DNAH14: variants seen among roughly 807,000 people sequenced by gnomAD.
The protein encoded by DNAH14 is axonemal beta dynein heavy chain 14.
DNAH14 carries 478 observed loss-of-function variants against 520.9 expected under a neutral mutation model. The observed-to-expected ratio is 0.92, with a 90% CI of 0.85 to 0.99. The LOEUF is 0.99. DNAH14 is among the 50% of genes least tolerant of loss of function. The pLI is 0.00. For missense variants in DNAH14, 4,831 were observed against 5,234.5 expected (o/e 0.92, Z 2.38); for synonymous variants, 1,581 against 1,757.2 (o/e 0.90, Z 2.51).
rs1266046739 is a variant in DNAH14, at chr1:225,303,311, A to G, written c.8787A>G (p.Ser2929=). 63 of 1,549,346 alleles carry G rather than the reference A, an allele frequency of 4.1e-5. No homozygotes were observed. The highest frequency in any genetic ancestry group is 5.4e-5 in the Non-Finnish European group (62 of 1,146,384). The stretch of plus-strand genomic sequence containing the variant: ...AAGCTCTCCTTATTGTAGCTAACTC[A>G]TTCTTAAAAGAAAAGGTCAATTTTG... ...PEEALLIVAN[S]FLKEKVNFEN... Residue 2929 remains serine, a synonymous_variant, in exon 57 of 86, where the codon TCA becomes TCG. Coordinates refer to ENST00000682510, the MANE Select transcript of DNAH14 (RefSeq NM_001367479.1).
At chr1:225,241,889 A>C (rs993621600) in intron 43 of DNAH14, among the ~76,000 whole-genome samples, 2 of 152,190 alleles carry the variant, frequency 1.3e-5, no homozygotes, top group African/African-American at 4.8e-5. Context: ...AGACTTTATA[A>C]ATACTGTACA....
In DNAH14 at chr1:225,300,946, T is replaced by A. The variant is rs1055703732; in HGVS notation, c.8547T>A (p.Asp2849Glu). 6.4e-7 allele frequency: 1 copy of A among 1,551,360 alleles called. No homozygotes were observed. Among genetic ancestry groups the A allele is most frequent in the African/African-American group, 1.4e-5 (1 of 73,052 alleles). The change falls in exon 56 of 86, where the codon GAT becomes GAA. Residue 2849 changes from aspartate (D) to glutamate (E), a missense_variant. Transcript: ENST00000682510. ...ACCTGTTTGAAAATGTTGAGCTGGA[T>A]TCTATTGCAATGAAAATCAGATATC... ...IPDLFENVELDSIAMKIRYLT... is the reference protein window; with the variant it reads ...IPDLFENVELESIAMKIRYLT...
rs561253154 is a variant in DNAH14, at chr1:225,288,183, C to T, written c.8272-1702C>T. 2.1e-4 allele frequency among the ~76,000 whole-genome samples: 32 copies of T among 152,176 alleles called. No homozygotes were observed. The South Asian group carries it at 6.4e-3, about 31-fold the overall frequency. ...CACAGTGGAGAAACCTGACAAACACCGCCTTATCTAGGTGATCAAGTTCAC... is the reference window on the plus strand; with the variant it reads ...CACAGTGGAGAAACCTGACAAACACTGCCTTATCTAGGTGATCAAGTTCAC... On this transcript the variant is annotated intron_variant, in intron 54 of 85. Coordinates refer to ENST00000682510, the MANE Select transcript of DNAH14 (RefSeq NM_001367479.1).
rs2075061270 is a variant in DNAH14 at position 225,097,205 on chromosome 1, C to T, written c.3661C>T (p.Leu1221Phe). ...WMNCQRNWLY[L>F]EPVFHSSEIR... ...GAATTGTCAAAGAAATTGGCTTTAT[C>T]TTGAACCAGTCTTTCATTCTTCAGA... is the stretch of plus-strand genomic sequence containing the variant. The change falls in exon 22 of 86, where the codon CTT becomes TTT. Residue 1221 changes from leucine (L) to phenylalanine (F), a missense_variant. Leu to Phe is a conservative substitution (Grantham distance 22). Transcript: ENST00000682510. 2 of 1,550,510 alleles carry T rather than the reference C, an allele frequency of 1.3e-6. No individual in the cohort carries two copies. The highest frequency in any genetic ancestry group is 2.4e-5 in the South Asian group (2 of 83,986).
chr1:225,047,432 A>G (rs1158565237), intron 15 of DNAH14, among the ~76,000 whole-genome samples: 2 of 152,134 alleles, frequency 1.3e-5, no homozygotes, highest in African/African-American at 2.4e-5. Context: ...TATCTTTTCT[A>G]TGTTTCAATA....
chr1:225,244,950 AT>A (rs1219690818), intron 43 of DNAH14, among the ~76,000 whole-genome samples: 4 of 151,986 alleles, frequency 2.6e-5, no homozygotes, highest in African/African-American at 9.7e-5. Flanking sequence ...TAGGGTGTCG[AT>A]TTTAGATCTT....
Position 225,121,929 on chromosome 1 carries a change from A to G in DNAH14, c.4167-1598A>G, listed in dbSNP as rs188948578. On this transcript the variant is annotated intron_variant, in intron 26 of 85. Coordinates refer to ENST00000682510, the MANE Select transcript of DNAH14 (RefSeq NM_001367479.1). ...CTAAAGAGAATGTACAAGTACATTC[A>G]TCAAATGTAACAGATCGTTGGCAGT... Among the ~76,000 whole-genome samples, 11 of 152,098 alleles carry G rather than the reference A, an allele frequency of 7.2e-5. No homozygotes were observed. In the East Asian group the frequency reaches 2.1e-3, roughly 29 times the overall value.
At chr1:225,324,962 TTAAG>T (rs1188509528) in intron 64 of DNAH14, 130 bp downstream of exon 64, 16 of 485,728 alleles carry the variant, frequency 3.3e-5, no homozygotes, top group African/African-American at 3.2e-4. Flanking sequence ...ATTGTGAGGA[TTAAG>T]TAAATAATAT....
At chr1:225,136,354 G>A (rs866436203) in intron 27 of DNAH14, among the ~76,000 whole-genome samples, 1 of 152,152 alleles carries the variant, frequency 6.6e-6, no homozygotes, top group Non-Finnish European at 1.5e-5. Flanking sequence ...ACCTGGTGAC[G>A]ATGAATTCCC....
chr1:224,955,623 C>T (rs1572034522), intron 3 of DNAH14, among the ~76,000 whole-genome samples: 1 of 152,148 alleles, frequency 6.6e-6, no homozygotes, highest in African/African-American at 2.4e-5. Flanking sequence ...TATGTCCTCA[C>T]TTTTATAAGC....
At chr1:225,131,298 GGTCTC>G (rs2078394210) in intron 27 of DNAH14, among the ~76,000 whole-genome samples, 1 of 152,128 alleles carries the variant, frequency 6.6e-6, no homozygotes, top group South Asian at 2.1e-4. Flanking sequence ...CCAACCCACA[GGTCTC>G]TGTGGGCTAA....
At chr1:225,025,278 G>T (rs2066013259) in intron 11 of DNAH14, among the ~76,000 whole-genome samples, 1 of 150,840 alleles carries the variant, frequency 6.6e-6, no homozygotes, top group African/African-American at 2.4e-5. Context: ...GCTTCAGTGA[G>T]CTGTGATCAT....
intron 38 of DNAH14, among the ~76,000 whole-genome samples, chr1:225,194,169 A>G (rs2085804190): frequency 6.6e-6 from 1 of 152,150 alleles, no homozygotes; most frequent in Non-Finnish European, 1.5e-5. Context: ...TACCAGTGAC[A>G]TTTTTCACAG....
At chr1:225,271,846 C>A in intron 50 of DNAH14, 60 bp from the exon 51 acceptor site, 2 of 1,362,824 alleles carry the variant, frequency 1.5e-6, no homozygotes, top group South Asian at 1.5e-5. Flanking sequence ...TGGAAGGTAG[C>A]CAGAAGTAGT....
intron 10 of DNAH14, among the ~76,000 whole-genome samples, chr1:225,010,204 C>A (rs2064592468): frequency 6.6e-6 from 1 of 152,124 alleles, no homozygotes; most frequent in Non-Finnish European, 1.5e-5. Context: ...CAGCTTTTGC[C>A]TGTTCAGTAT....
At chr1:224,968,391 T>G (rs1004868312) in intron 6 of DNAH14, among the ~76,000 whole-genome samples, 3 of 152,110 alleles carry the variant, frequency 2.0e-5, no homozygotes, top group Non-Finnish European at 2.9e-5. Context: ...ATTATAAGAT[T>G]ATACACACAT....
intron 78 of DNAH14, among the ~76,000 whole-genome samples, chr1:225,376,300 G>A (rs1372860850): frequency 6.6e-6 from 1 of 151,988 alleles, no homozygotes; most frequent in Non-Finnish European, 1.5e-5. Context: ...GGTGGATCAT[G>A]CCTGTAGTCC....
chr1:225,029,645 TG>T (rs2066388949), intron 11 of DNAH14, among the ~76,000 whole-genome samples: 1 of 151,910 alleles, frequency 6.6e-6, no homozygotes, highest in South Asian at 2.1e-4. Context: ...AGAAGAAGTT[TG>T]GGGTATTGTG....
chr1:225,074,598 A>G (rs1168418818), intron 17 of DNAH14, among the ~76,000 whole-genome samples: 1 of 151,904 alleles, frequency 6.6e-6, no homozygotes, highest in Non-Finnish European at 1.5e-5. Flanking sequence ...TCTCTATCAC[A>G]TGGAGAACAC....
Sources: gnomAD v4.1 joint callset for allele counts (sites outside exome capture counted in the v4.1 genomes callset) on GRCh38, gnomAD v4.1.1 for gene constraint, MANE v1.5 for transcripts, NCBI Gene and HGNC (gene_info 2026-07-23, HGNC 2026-07-21) for gene names.